The following CARF variants were observed in gnomAD, a reference collection of about 807,000 sequenced individuals.
CARF encodes calcium responsive transcription factor, also known as calcium-responsive transcription factor.
Under a neutral mutation model 82.0 loss-of-function variants are expected in CARF, and 57 were observed. The observed-to-expected ratio is 0.70, with a 90% CI of 0.56 to 0.87. The LOEUF is 0.87. Among genes scored for constraint, CARF ranks in the 40% least tolerant of loss-of-function variants. The pLI is 0.00. For missense variants in CARF, 771 were observed against 855.8 expected (o/e 0.90, Z 1.24); for synonymous variants, 268 against 290.1 (o/e 0.92, Z 0.77).
intron 14 of CARF, among the ~76,000 whole-genome samples, chr2:202,979,519 G>A (rs2060160238): frequency 1.3e-5 from 2 of 151,896 alleles, no homozygotes; most frequent in South Asian, 4.2e-4. Flanking sequence ...TAAGTTATAG[G>A]ATGGGTGCAG....
intron 12 of CARF, chr2:202,973,712 G>A (rs2059903803): frequency 8.9e-6 from 2 of 224,242 alleles, no homozygotes; most frequent in Non-Finnish European, 1.8e-5. Flanking sequence ...TTGATGTGAA[G>A]TGTTCCATAC....
At chr2:202,964,671 C>A (rs1197923954) in intron 9 of CARF, among the ~76,000 whole-genome samples, 1 of 151,762 alleles carries the variant, frequency 6.6e-6, no homozygotes, top group Non-Finnish European at 1.5e-5. Flanking sequence ...ATAAGAAACC[C>A]CATGACTCTA....
chr2:202,961,909 T>G (rs1265921440), intron 9 of CARF: 1 of 165,456 alleles, frequency 6.0e-6, no homozygotes, highest in African/African-American at 2.4e-5. Context: ...GCATTAGGTA[T>G]GTTATATACA....
intron 8 of CARF, among the ~76,000 whole-genome samples, chr2:202,957,925 C>T (rs1409360746): frequency 6.6e-6 from 1 of 150,838 alleles, no homozygotes; most frequent in African/African-American, 2.4e-5. Flanking sequence ...CAGTCCGTGA[C>T]AGAGCAAGAC....
In CARF at chr2:202,913,067, A is replaced by G. The variant is rs965108854; in HGVS notation, c.-365A>G. The G allele has an allele frequency of 6.6e-6, 1 of 152,184 alleles. No individual in the cohort carries two copies. The highest frequency in any genetic ancestry group is 2.4e-5 in the African/African-American group (1 of 41,444). 9.4% of individuals were successfully genotyped at this position (152,184 alleles called of 1,614,324 possible). On this transcript the variant is annotated 5_prime_UTR_variant, in exon 1 of 17. Coordinates refer to ENST00000438828, the MANE Select transcript of CARF (RefSeq NM_024744.17). ...TTCAAGAGACAAGCAGTTTAGAATC[A>G]GGCAGAACTGGATTGCAAAATTTAT...
At chr2:202,935,134 A>G (rs1002329953) in intron 3 of CARF, among the ~76,000 whole-genome samples, 2 of 138,966 alleles carry the variant, frequency 1.4e-5, no homozygotes, top group African/African-American at 5.2e-5. Context: ...TTATAATTAT[A>G]TAATATAATT....
intron 3 of CARF, 57 bp from the exon 4 acceptor site, chr2:202,941,801 TAA>T: frequency 1.2e-6 from 1 of 831,074 alleles, no homozygotes; most frequent in Non-Finnish European, 2.0e-6. Context: ...TTGTTTAAGA[TAA>T]AACAGTCCAC....
At chr2:202,913,632 T>C (rs1016508808) in intron 1 of CARF, among the ~76,000 whole-genome samples, 5 of 152,234 alleles carry the variant, frequency 3.3e-5, no homozygotes, top group African/African-American at 9.6e-5. Flanking sequence ...GTGGTTATTG[T>C]AGTGGTGAGG....
intron 10 of CARF, among the ~76,000 whole-genome samples, chr2:202,968,294 C>T (rs1328006478): frequency 2.0e-5 from 3 of 151,930 alleles, no homozygotes; most frequent in African/African-American, 7.3e-5. Flanking sequence ...CCCAGCTACT[C>T]GGGAGGCTGA....
chr2:202,916,162 TTTTATTTATTTA>T (rs151050381), intron 1 of CARF, among the ~76,000 whole-genome samples: 14 of 146,654 alleles, frequency 9.5e-5, no homozygotes, highest in South Asian at 4.4e-4. Context: ...TTGAGCAATA[TTTTATTTATTTA>T]TTTATTTATT....
At chr2:202,919,404 G>C (rs563932372) in intron 2 of CARF, among the ~76,000 whole-genome samples, 148 of 152,296 alleles carry the variant, frequency 9.7e-4, no homozygotes, top group African/African-American at 3.5e-3. Context: ...TAGGATCAGA[G>C]TACCTGTCAG....
At chr2:202,932,017 C>T (rs1250200760) in intron 3 of CARF, among the ~76,000 whole-genome samples, 6 of 152,084 alleles carry the variant, frequency 3.9e-5, no homozygotes, top group Admixed American at 2.6e-4. Context: ...ACTGGGGAGG[C>T]GTCAGGAAGC....
At chr2:202,943,514 T>C (rs531171749) in intron 5 of CARF, among the ~76,000 whole-genome samples, 8 of 151,518 alleles carry the variant, frequency 5.3e-5, no homozygotes, top group Admixed American at 1.3e-4. Context: ...TTGAGATCAA[T>C]TGGAAATGTA....
intron 3 of CARF, among the ~76,000 whole-genome samples, chr2:202,939,533 T>G (rs1275834129): frequency 2.0e-5 from 3 of 152,126 alleles, no homozygotes; most frequent in Non-Finnish European, 4.4e-5. Flanking sequence ...ATACTATACT[T>G]TCTATTTTTC....
chr2:202,950,474 TA>T (rs1258367513), intron 5 of CARF, among the ~76,000 whole-genome samples: 2 of 152,202 alleles, frequency 1.3e-5, no homozygotes, highest in Admixed American at 1.3e-4. Flanking sequence ...AATCTTATTA[TA>T]AGGGGTAAAG....
At chr2:202,927,188 C>T (rs1212541640) in intron 3 of CARF, among the ~76,000 whole-genome samples, 6 of 151,996 alleles carry the variant, frequency 3.9e-5, no homozygotes, top group Non-Finnish European at 5.9e-5. Flanking sequence ...CAGTTTGTGG[C>T]GTTGTTGACA....
chr2:202,954,270 A>T, intron 7 of CARF, 136 bp downstream of exon 7: 2 of 1,046,840 alleles, frequency 1.9e-6, no homozygotes, highest in Non-Finnish European at 2.6e-6. Flanking sequence ...ATCTTTAGTT[A>T]TTTTAAGGCA....
rs2059721876 is a variant in CARF at position 202,970,047 on chromosome 2, C to T, written c.1082C>T (p.Ala361Val). The change falls in exon 11 of 17, where the codon GCT (alanine) becomes GTT (valine). Residue 361 changes from alanine to valine, a missense_variant. Transcript: ENST00000438828. ...ATGCTAAAGAAGAACTTGGTAGATG[C>T]TGGTGGTGTTCTTAGGTATGACATT... ...FNMLKKNLVD[A>V]GGVLRWYVQL... The T allele has an allele frequency of 3.2e-6, 5 of 1,567,512 alleles. No homozygotes were observed. The highest frequency in any genetic ancestry group is 4.3e-6 in the Non-Finnish European group (5 of 1,166,472).
At chr2:202,939,623 C>T (rs1429887239) in intron 3 of CARF, among the ~76,000 whole-genome samples, 3 of 151,268 alleles carry the variant, frequency 2.0e-5, no homozygotes, top group African/African-American at 7.3e-5. Context: ...ATCTATCTTC[C>T]AATTTAATAA....
Sources: allele counts gnomAD v4.1 joint callset (sites outside exome capture counted in the v4.1 genomes callset), GRCh38; gene constraint gnomAD v4.1.1; transcripts MANE v1.5; gene names NCBI Gene and HGNC (gene_info 2026-07-23, HGNC 2026-07-21).